The following LGSN variants were observed in gnomAD, a reference collection of about 807,000 sequenced individuals.
LGSN encodes the protein lengsin, lens protein with glutamine synthetase domain, also known as lengsin.
In LGSN, 21 loss-of-function variants were observed where a neutral mutation model predicts 19.5. The ratio of observed to expected loss-of-function variants is 1.07; its 90% confidence interval spans 0.76 to 1.55. The LOEUF (loss-of-function observed/expected upper bound fraction) is 1.55, where lower values mean the gene tolerates loss of function less well. Among genes scored for constraint, LGSN ranks in the 40% most tolerant of loss-of-function variants. LGSN has a pLI of 0.00. For missense variants in LGSN, 673 were observed against 608.5 expected, an observed-to-expected ratio of 1.11 and a Z score of -1.12; for synonymous variants, 257 against 215.6, an observed-to-expected ratio of 1.19 and a Z score of -1.68.
chr6:63,389,456 G>A, the LGSN span, among the ~76,000 whole-genome samples: 12 of 152,122 alleles, frequency 7.9e-5, no homozygotes, highest in East Asian at 1.9e-4. Context: ...CAATCCCACC[G>A]TCTTCTTCTG....
At chr6:63,293,954 C>A (rs752614635) in intron 2 of LGSN, 1 of 354,208 alleles carries the variant, frequency 2.8e-6, no homozygotes, top group Admixed American at 3.8e-5. Context: ...TAGTATATTT[C>A]TAGCAGTGAC....
chr6:63,316,915 G>T (rs1768890323), intron 1 of LGSN, among the ~76,000 whole-genome samples: 1 of 152,046 alleles, frequency 6.6e-6, no homozygotes, highest in African/African-American at 2.4e-5. Context: ...TACTTTAAAT[G>T]TGAGAGGGGA....
the LGSN span, among the ~76,000 whole-genome samples, chr6:63,349,235 A>T: frequency 9.9e-5 from 15 of 152,202 alleles, no homozygotes; most frequent in Admixed American, 2.6e-4. Context: ...CTTAATCAGA[A>T]CTGTGCTTTG....
the LGSN span, among the ~76,000 whole-genome samples, chr6:63,394,510 A>G: frequency 6.6e-6 from 1 of 152,298 alleles, no homozygotes; most frequent in South Asian, 2.1e-4. Context: ...TTCCAGGGGT[A>G]TTGCCCATCC....
chr6:63,434,264 C>T, the LGSN span, among the ~76,000 whole-genome samples: 5 of 151,630 alleles, frequency 3.3e-5, no homozygotes, highest in Non-Finnish European at 7.4e-5. Context: ...CATGGTGAAA[C>T]TCCGTCCCTA....
the LGSN span, among the ~76,000 whole-genome samples, chr6:63,355,236 C>G: frequency 9.1e-4 from 139 of 152,068 alleles, no homozygotes; most frequent in Admixed American, 1.8e-3. Flanking sequence ...CAAATACATA[C>G]AAATATTATG....
chr6:63,313,293 C>A (rs1380146787), intron 1 of LGSN, among the ~76,000 whole-genome samples: 1 of 151,814 alleles, frequency 6.6e-6, no homozygotes, highest in Non-Finnish European at 1.5e-5. Context: ...CACTGGAGGC[C>A]TTGGTAAGGA....
At chr6:63,405,075 G>C in the LGSN span, among the ~76,000 whole-genome samples, 1 of 150,692 alleles carries the variant, frequency 6.6e-6, no homozygotes, top group African/African-American at 2.4e-5. Flanking sequence ...TTGTTCTTGC[G>C]ATAGTTTACT....
the LGSN span, among the ~76,000 whole-genome samples, chr6:63,350,284 G>C: frequency 2.0e-5 from 3 of 152,224 alleles, no homozygotes. Flanking sequence ...TAATATGAAA[G>C]CAATTACTAT....
the LGSN span, among the ~76,000 whole-genome samples, chr6:63,418,403 A>C: frequency 6.6e-6 from 1 of 152,148 alleles, no homozygotes; most frequent in Non-Finnish European, 1.5e-5. Context: ...TCTACTAAAA[A>C]TACAAAAATT....
the LGSN span, among the ~76,000 whole-genome samples, chr6:63,351,034 G>T: frequency 6.6e-6 from 1 of 152,052 alleles, no homozygotes; most frequent in East Asian, 1.9e-4. Flanking sequence ...AACCCCCAAG[G>T]TTAACATAAG....
the LGSN span, among the ~76,000 whole-genome samples, chr6:63,339,642 A>C: frequency 6.6e-6 from 1 of 152,118 alleles, no homozygotes; most frequent in Non-Finnish European, 1.5e-5. Flanking sequence ...GCCAGTCTGT[A>C]TCTTTTAATT....
the LGSN span, among the ~76,000 whole-genome samples, chr6:63,413,156 A>T: frequency 6.6e-6 from 1 of 152,140 alleles, no homozygotes; most frequent in Non-Finnish European, 1.5e-5. Flanking sequence ...AATGTAAAGC[A>T]ACACCATACA....
chr6:63,538,063 T>A, the LGSN span, among the ~76,000 whole-genome samples: 2 of 152,242 alleles, frequency 1.3e-5, no homozygotes, highest in African/African-American at 4.8e-5. Flanking sequence ...CTGAAATTAT[T>A]TTGCAAAATA....
In LGSN at chr6:63,280,251, T is replaced by C. The variant is rs143668006; in HGVS notation, c.1300A>G (p.Ser434Gly). ...TCTGGACCAGCCAAGACCTCATTACTGCTATGAAGTCCATCTAAGCCGGCA... is the reference window on the plus strand; with the variant it reads ...TCTGGACCAGCCAAGACCTCATTACCGCTATGAAGTCCATCTAAGCCGGCA... ...VAAGLDGLHS[S>G]NEVLAGPDES... Residue 434 changes from serine (S) to glycine (G), a missense_variant, in exon 4 of 4, where the codon AGT becomes GGT. By Grantham distance (56) the Ser-to-Gly change is moderately conservative. Transcript: ENST00000370657. 3.1e-6 allele frequency: 5 copies of C among 1,614,230 alleles called. No individual in the cohort carries two copies. Among genetic ancestry groups the C allele is most frequent in the Non-Finnish European group, 4.2e-6 (5 of 1,180,032 alleles).
chr6:63,516,927 C>T, the LGSN span, among the ~76,000 whole-genome samples: 1 of 152,110 alleles, frequency 6.6e-6, no homozygotes, highest in African/African-American at 2.4e-5. Context: ...GAGTCTCTGC[C>T]ACCGTATCAT....
chr6:63,294,905 T>C lies in LGSN; in HGVS notation c.163+8A>G, dbSNP rs765672132. ...CACCATTTTTGAGGACTCAGAGTAG[T>C]TAGATACCATTTGAATTGGACATAT... On this transcript the variant is annotated splice_region_variant and intron_variant, in intron 2 of 3. Coordinates refer to ENST00000370657, the MANE Select transcript of LGSN (RefSeq NM_016571.3). 1.9e-6 allele frequency: 3 copies of C among 1,613,656 alleles called. No individual in the cohort carries two copies. The South Asian group carries it at 3.3e-5, about 18-fold the overall frequency.
At chr6:63,459,496 C>G in the LGSN span, among the ~76,000 whole-genome samples, 3 of 152,114 alleles carry the variant, frequency 2.0e-5, no homozygotes, top group Non-Finnish European at 4.4e-5. Context: ...CTCAAGCAAT[C>G]CTCCAACCTC....
upstream of LGSN, among the ~76,000 whole-genome samples, chr6:63,321,821 A>G (rs780424725): frequency 6.6e-6 from 1 of 152,180 alleles, no homozygotes; most frequent in Non-Finnish European, 1.5e-5. Context: ...CATTTGTTCA[A>G]TCTGTACTAT....
Sources: allele counts gnomAD v4.1 joint callset (sites outside exome capture counted in the v4.1 genomes callset), GRCh38; gene constraint gnomAD v4.1.1; transcripts MANE v1.5; gene names NCBI Gene and HGNC (gene_info 2026-07-23, HGNC 2026-07-21).